Variants in MAP3K15 observed in about 807,000 individuals in gnomAD.
MAP3K15 encodes mitogen-activated protein kinase kinase kinase 15, also known as MAPK/ERK kinase kinase 15.
Under a neutral mutation model 99.5 loss-of-function variants are expected in MAP3K15, and 124 were observed. The observed-to-expected ratio is 1.25, with a 90% confidence interval of 1.08 to 1.45. MAP3K15 has a LOEUF of 1.45. Among genes scored for constraint, MAP3K15 ranks in the 40% most tolerant of loss-of-function variants. The pLI, the probability that MAP3K15 is intolerant of heterozygous loss-of-function variation, is 0.00. For missense variants in MAP3K15, 1,242 were observed against 1,079.7 expected (o/e 1.15, Z -2.11); for synonymous variants, 494 against 439.6 (o/e 1.12, Z -1.55).
chrX:19,409,732 CAAG>C (rs2063673175), intron 12 of MAP3K15, among the ~76,000 whole-genome samples, 189 bp downstream of exon 12: 1 of 112,067 alleles, frequency 8.9e-6, no homozygotes, highest in Non-Finnish European at 1.9e-5. Flanking sequence ...TATAATAACC[CAAG>C]AAGTTCTCAC....
At position 19,487,460 on chromosome X, in the gene MAP3K15, C is replaced by T. The variant is rs767814885; in HGVS notation, c.502-955G>A. 6.0e-4 allele frequency among the ~76,000 whole-genome samples: 67 copies of T among 111,387 alleles called. 1 individual carries two copies. The highest frequency in any genetic ancestry group is 1.1e-3 in the Non-Finnish European group (59 of 53,095). ...TCATACTTGCTAAGTTCTAAATATT[C>T]CTAAGCATAGCTACCTTGGTGAAAA... On this transcript the variant is annotated intron_variant, in intron 2 of 28. Transcript: ENST00000338883.
intron 3 of MAP3K15, among the ~76,000 whole-genome samples, chrX:19,480,455 C>T (rs1055291536): frequency 9.1e-6 from 1 of 110,202 alleles, no homozygotes; most frequent in African/African-American, 3.3e-5. Context: ...ACCACAGCTG[C>T]GGTGACAGAG....
intron 3 of MAP3K15, among the ~76,000 whole-genome samples, chrX:19,465,064 C>T (rs930771235): frequency 2.7e-5 from 3 of 110,181 alleles, no homozygotes; most frequent in African/African-American, 9.9e-5. Context: ...GCTAATATTT[C>T]TATTATTTTG....
At chrX:19,383,990 T>C (rs1002597254) in intron 18 of MAP3K15, among the ~76,000 whole-genome samples, 1 of 111,920 alleles carries the variant, frequency 8.9e-6, no homozygotes, top group African/African-American at 3.2e-5. Flanking sequence ...CCTAGGTATA[T>C]ACCCAAAAGA....
chrX:19,417,335 C>A (rs924828297), intron 9 of MAP3K15, among the ~76,000 whole-genome samples: 2 of 112,053 alleles, frequency 1.8e-5, no homozygotes, highest in South Asian at 3.7e-4. Flanking sequence ...AAAATCGGGT[C>A]GCTCCCACCC....
chrX:19,499,043 C>T lies in MAP3K15; in HGVS notation c.362-10076G>A, dbSNP rs926427247. On this transcript the variant is annotated intron_variant, in intron 1 of 28. Coordinates refer to ENST00000338883, the MANE Select transcript of MAP3K15 (RefSeq NM_001001671.4). Reference sequence around the variant, plus strand: ...TATTCACAAAATATATGACAAAGCACTTAAATCCAAAACATAAAAACCTCT... The same window carrying T: ...TATTCACAAAATATATGACAAAGCATTTAAATCCAAAACATAAAAACCTCT... Among the ~76,000 whole-genome samples the T allele has an allele frequency of 8.9e-5, 10 of 111,860 alleles. No individual in the cohort carries two copies. The East Asian group carries it at 2.5e-3, about 28-fold the overall frequency.
chrX:19,450,905 C>T (rs2064032259), intron 6 of MAP3K15, among the ~76,000 whole-genome samples: 1 of 108,457 alleles, frequency 9.2e-6, no homozygotes, highest in Non-Finnish European at 1.9e-5. Flanking sequence ...AAAAATACAA[C>T]TGGCTTTTTG....
intron 11 of MAP3K15, among the ~76,000 whole-genome samples, chrX:19,413,110 T>G (rs867899397): frequency 1.0e-5 from 1 of 95,625 alleles, no homozygotes; most frequent in African/African-American, 4.5e-5. Context: ...TTTAATGTTT[T>G]TATACACACA....
In MAP3K15 at chrX:19,396,107, A is replaced by G. The variant is rs1033105323; in HGVS notation, c.2067-899T>C. On this transcript the variant is annotated intron_variant, in intron 15 of 28. Transcript: ENST00000338883. ...CTAAAAACACTCTGTGTACTCCTCTATCATGGCACTTGGCACTTTCACTCA... is the reference window on the plus strand; with the variant it reads ...CTAAAAACACTCTGTGTACTCCTCTGTCATGGCACTTGGCACTTTCACTCA... Among the ~76,000 whole-genome samples the G allele has an allele frequency of 2.7e-5, 3 of 111,530 alleles. No homozygotes were observed. The Admixed American group carries it at 2.9e-4, about 11-fold the overall frequency.
intron 6 of MAP3K15, among the ~76,000 whole-genome samples, chrX:19,432,103 C>T (rs2063887896): frequency 9.0e-6 from 1 of 110,575 alleles, no homozygotes; most frequent in Admixed American, 9.8e-5. Flanking sequence ...CACCAGTAAA[C>T]CTTATACAAT....
In MAP3K15 at chrX:19,371,044, G is replaced by A; in HGVS notation, c.3315C>T (p.Asn1105=). The change falls in exon 24 of 29, where the codon AAC becomes AAT. Residue 1105 remains asparagine (N), a synonymous_variant. Transcript: ENST00000338883. ...FQDAVNKILR[N]HLIRPHWMFA... is the part of the protein sequence containing the mutation. Reference sequence around the variant, plus strand: ...ACATCCAGTGGGGCCTAATTAAGTGGTTCCTCAAAATTTTATTTACCTAAA... The same window carrying A: ...ACATCCAGTGGGGCCTAATTAAGTGATTCCTCAAAATTTTATTTACCTAAA... 8.7e-7 allele frequency: 1 copy of A among 1,143,733 alleles called. No individual in the cohort carries two copies. Among genetic ancestry groups the A allele is most frequent in the Non-Finnish European group, 1.2e-6 (1 of 866,270 alleles). The allele number at this position is 1,143,733 out of a possible 1,213,427, so 94.3% of individuals were successfully genotyped here. A position where few individuals can be genotyped will look rare whatever the true frequency, so the allele number is the denominator to read the frequency against.
At chrX:19,473,097 G>T (rs2064218611) in intron 3 of MAP3K15, among the ~76,000 whole-genome samples, 1 of 112,167 alleles carries the variant, frequency 8.9e-6, no homozygotes, top group Admixed American at 9.5e-5. Flanking sequence ...AGAAAGAAAA[G>T]AAATGCATGA....
chrX:19,414,250 A>T (rs1348183166), intron 10 of MAP3K15: 3 of 114,116 alleles, frequency 2.6e-5, no homozygotes, highest in African/African-American at 9.7e-5. Context: ...CATGTTTAAG[A>T]TCACTAAACC....
intron 16 of MAP3K15, among the ~76,000 whole-genome samples, chrX:19,394,106 T>A (rs2063548250): frequency 9.0e-6 from 1 of 111,314 alleles, no homozygotes; most frequent in Admixed American, 9.6e-5. Flanking sequence ...TACTTAAGAC[T>A]CTTCCTGTAA....
intron 1 of MAP3K15, among the ~76,000 whole-genome samples, chrX:19,513,310 G>A (rs2064534020): frequency 8.9e-6 from 1 of 112,206 alleles, no homozygotes; most frequent in Non-Finnish European, 1.9e-5. Context: ...GGTGGCACCA[G>A]CAGGAAGGAG....
intron 9 of MAP3K15, among the ~76,000 whole-genome samples, chrX:19,420,183 A>G (rs1240801576): frequency 1.8e-5 from 2 of 111,779 alleles, no homozygotes; most frequent in South Asian, 3.7e-4. Context: ...AGAAATAACT[A>G]AGATCAGAGC....
intron 6 of MAP3K15, among the ~76,000 whole-genome samples, chrX:19,443,403 C>T (rs1460652748): frequency 3.6e-5 from 4 of 111,642 alleles, no homozygotes; most frequent in Admixed American, 1.9e-4. Flanking sequence ...GGCTATATCA[C>T]GGCCTAGTAT....
intron 10 of MAP3K15, 44 bp from the exon 11 acceptor site, chrX:19,413,508 CAT>C (rs770039346): frequency 2.0e-6 from 2 of 999,915 alleles, no homozygotes; most frequent in African/African-American, 1.9e-5. Context: ...GGGTAGAAAA[CAT>C]AGCGCACCCT....
chrX:19,403,188 G>A (rs1293869516), intron 13 of MAP3K15, among the ~76,000 whole-genome samples: 2 of 110,876 alleles, frequency 1.8e-5, no homozygotes, highest in Non-Finnish European at 3.8e-5. Flanking sequence ...AATTTATCAA[G>A]CTGTACACTT....
Sources: gnomAD v4.1 joint callset for allele counts (sites outside exome capture counted in the v4.1 genomes callset) on GRCh38, gnomAD v4.1.1 for gene constraint, MANE v1.5 for transcripts, NCBI Gene and HGNC (gene_info 2026-07-23, HGNC 2026-07-21) for gene names.